Variants in HIF1A observed in about 807,000 individuals in gnomAD.
HIF1A encodes hypoxia inducible factor 1 subunit alpha.
Under a neutral mutation model 92.7 loss-of-function variants are expected in HIF1A, and 24 were observed. The observed-to-expected ratio is 0.26, with a 90% CI of 0.19 to 0.36. The LOEUF is 0.36. Ranked by LOEUF, HIF1A falls within the 10% of genes least tolerant of loss-of-function variation. The pLI, the probability that HIF1A is intolerant of heterozygous loss-of-function variation, is 1.00. For missense variants in HIF1A, 799 were observed against 998.5 expected, an observed-to-expected ratio of 0.80 and a Z score of 2.69; for synonymous variants, 319 against 338.7, an observed-to-expected ratio of 0.94 and a Z score of 0.64.
intron 1 of HIF1A, among the ~76,000 whole-genome samples, chr14:61,699,658 T>TA (rs976029871): frequency 3.3e-5 from 5 of 152,156 alleles, no homozygotes; most frequent in Non-Finnish European, 7.4e-5. Context: ...TTAACCAGGA[T>TA]AAAAAAATCT....
chr14:61,740,626 A>G lies in HIF1A; in HGVS notation c.1658A>G (p.Gln553Arg). 4.4e-6 allele frequency: 7 copies of G among 1,590,520 alleles called. No homozygotes were observed. Among genetic ancestry groups the G allele is most frequent in the Non-Finnish European group, 6.0e-6 (7 of 1,172,582 alleles). Residue 553 changes from glutamine to arginine, a missense_variant and splice_region_variant, in exon 11 of 15, where the codon CAG becomes CGG. Physicochemically the swap from Gln to Arg is conservative, Grantham distance 43 (BLOSUM62 1). This residue lies in a region of HIF1A where 516 missense variants were observed against 721.0 expected (regional missense o/e 0.72). Coordinates refer to ENST00000337138, the MANE Select transcript of HIF1A (RefSeq NM_001530.4). ...GAAGCAAAGAACCCATTTTCTACTC[A>G]GGTATATGAACTTATTTGTTTTATA... ...DTEAKNPFST[Q>R]DTDLDLEMLA...
chr14:61,695,838 A>G lies in HIF1A; in HGVS notation c.34A>G (p.Lys12Glu). The change falls in exon 1 of 15, where the codon AAG becomes GAG. Residue 12 changes from lysine to glutamate, a missense_variant and splice_region_variant. Around this residue, in one of 2 missense-constraint regions of HIF1A, gnomAD observed 516 missense variants for 721.0 expected, o/e 0.72. Coordinates refer to ENST00000337138, the MANE Select transcript of HIF1A (RefSeq NM_001530.4). The part of the protein sequence containing the change: ...EGAGGANDKK[K>E]ISSERRKEKS... The stretch of plus-strand genomic sequence containing the variant: ...CGCCGGCGGCGCGAACGACAAGAAA[A>G]AGTAAGCCCATTCCCTCGGCCCGCC... The G allele has an allele frequency of 1.3e-6, 2 of 1,588,452 alleles. No individual in the cohort carries two copies. Among genetic ancestry groups the G allele is most frequent in the Non-Finnish European group, 1.7e-6 (2 of 1,168,818 alleles).
At chr14:61,715,193 A>T (rs748160461) in intron 1 of HIF1A, among the ~76,000 whole-genome samples, 6 of 152,174 alleles carry the variant, frequency 3.9e-5, no homozygotes, top group Non-Finnish European at 8.8e-5. Context: ...CGCCATAATG[A>T]TTGGCATTAC....
In HIF1A at chr14:61,695,829, G is replaced by C. The variant is rs752063685; in HGVS notation, c.25G>C (p.Asp9His). ...CATGGAGGGCGCCGGCGGCGCGAAC[G>C]ACAAGAAAAAGTAAGCCCATTCCCT... MEGAGGAN[D>H]KKKISSERRK... is the part of the protein sequence containing the mutation. Residue 9 changes from aspartate (D) to histidine (H), a missense_variant, in exon 1 of 15, where the codon GAC becomes CAC. Asp to His is a moderately conservative substitution (Grantham distance 81). Around this residue, in one of 2 missense-constraint regions of HIF1A, gnomAD observed 516 missense variants for 721.0 expected, o/e 0.72. Transcript: ENST00000337138. 30 of 1,592,742 alleles carry C rather than the reference G, an allele frequency of 1.9e-5. No homozygotes were observed. Among genetic ancestry groups the C allele is most frequent in the Non-Finnish European group, 2.6e-5 (30 of 1,171,176 alleles).
chr14:61,700,037 G>C (rs7143164), intron 1 of HIF1A, among the ~76,000 whole-genome samples: 33,963 of 151,940 alleles, frequency 0.22, 6,553 homozygotes, highest in African/African-American at 0.53. Context: ...TCCCTTTAGA[G>C]AAATCTAGTA....
At chr14:61,722,355 T>TG (rs1209255655) in intron 4 of HIF1A, among the ~76,000 whole-genome samples, 1 of 152,242 alleles carries the variant, frequency 6.6e-6, no homozygotes, top group African/African-American at 2.4e-5. Flanking sequence ...CTCAAAGTGT[T>TG]GGGATTACAG....
At chr14:61,734,375 A>T in intron 8 of HIF1A, 90 bp downstream of exon 8, 1 of 842,130 alleles carries the variant, frequency 1.2e-6, no homozygotes. Context: ...TAAGATAATA[A>T]ATATTAACTA....
At chr14:61,727,993 TG>T (rs1365850294) in intron 6 of HIF1A, among the ~76,000 whole-genome samples, 1 of 145,570 alleles carries the variant, frequency 6.9e-6, no homozygotes, top group Non-Finnish European at 1.5e-5. Flanking sequence ...ACTGCAAGCC[TG>T]GATGACAGAG....
At chr14:61,721,680 C>G in intron 3 of HIF1A, 26 bp downstream of exon 3, 2 of 1,608,044 alleles carry the variant, frequency 1.2e-6, no homozygotes, top group Non-Finnish European at 1.7e-6. Flanking sequence ...ATTAAGAGCT[C>G]TTCTATATGT....
intron 12 of HIF1A, among the ~76,000 whole-genome samples, chr14:61,743,537 T>C (rs2044739918): frequency 6.6e-6 from 1 of 152,126 alleles, no homozygotes; most frequent in Non-Finnish European, 1.5e-5. Flanking sequence ...AGACAATATA[T>C]CTGTATAAGA....
chr14:61,722,691 T>G (rs879905191), intron 4 of HIF1A, among the ~76,000 whole-genome samples: 7 of 152,252 alleles, frequency 4.6e-5, no homozygotes, highest in Non-Finnish European at 1.0e-4. Context: ...CAACTGCTTA[T>G]TTGACTTCTT....
At chr14:61,741,253 T>A in intron 12 of HIF1A, 65 bp downstream of exon 12, 2 of 1,157,930 alleles carry the variant, frequency 1.7e-6, no homozygotes, top group Non-Finnish European at 2.4e-6. Context: ...TATGTGATAG[T>A]ACATGATTTT....
intron 1 of HIF1A, among the ~76,000 whole-genome samples, chr14:61,719,028 C>T (rs1439629821): frequency 1.3e-5 from 2 of 152,100 alleles, no homozygotes; most frequent in African/African-American, 2.4e-5. Context: ...GTAACAAGAG[C>T]ATTTGCTGAG....
At chr14:61,710,420 G>GA (rs1248750557) in intron 1 of HIF1A, among the ~76,000 whole-genome samples, 1 of 152,156 alleles carries the variant, frequency 6.6e-6, no homozygotes, top group African/African-American at 2.4e-5. Flanking sequence ...TAGACTCATA[G>GA]AAGATGATCA....
intron 1 of HIF1A, among the ~76,000 whole-genome samples, chr14:61,713,739 C>G (rs1045066265): frequency 2.6e-5 from 4 of 152,144 alleles, no homozygotes; most frequent in African/African-American, 9.7e-5. Context: ...GTGAGCTGCT[C>G]CAGCAAAGAT....
chr14:61,699,027 G>A (rs2044146890), intron 1 of HIF1A: 1 of 152,156 alleles, frequency 6.6e-6, no homozygotes, highest in Non-Finnish European at 1.5e-5. Flanking sequence ...ATAATGAGTT[G>A]ATAAAATATT....
intron 7 of HIF1A, among the ~76,000 whole-genome samples, chr14:61,733,890 A>G (rs534810435): frequency 1.3e-5 from 2 of 152,304 alleles, no homozygotes; most frequent in African/African-American, 2.4e-5. Context: ...TGAAGATTGT[A>G]TATTCATGAA....
intron 1 of HIF1A, among the ~76,000 whole-genome samples, chr14:61,718,747 A>G (rs1156696492): frequency 6.6e-6 from 1 of 152,164 alleles, no homozygotes; most frequent in Non-Finnish European, 1.5e-5. Context: ...TATAGTTCAT[A>G]TAGATTCATA....
At chr14:61,741,312 G>T in intron 12 of HIF1A, 124 bp downstream of exon 12, 2 of 596,042 alleles carry the variant, frequency 3.4e-6, no homozygotes, top group African/African-American at 1.9e-5. Context: ...GCAAATTCTT[G>T]AGAACTCAAA....
Sources: gnomAD v4.1 joint callset for allele counts (sites outside exome capture counted in the v4.1 genomes callset) on GRCh38, gnomAD v4.1.1 for gene constraint, gnomAD v4.1.1 regional missense constraint, MANE v1.5 for transcripts, NCBI Gene and HGNC (gene_info 2026-07-23, HGNC 2026-07-21) for gene names.